The following PTPRK variants were observed in gnomAD, a reference collection of about 807,000 sequenced individuals.
PTPRK encodes receptor-type tyrosine-protein phosphatase kappa.
In PTPRK, 75 loss-of-function variants were observed where a neutral mutation model predicts 178.0. The ratio of observed to expected loss-of-function variants is 0.42; its 90% CI spans 0.35 to 0.51. The LOEUF is 0.51. Ranked by LOEUF, PTPRK falls within the 20% of genes least tolerant of loss-of-function variation. The probability of loss-of-function intolerance (pLI) is 0.02; values close to 1 mark genes in which losing one functional copy is unlikely to be tolerated. For missense variants in PTPRK, 1,441 were observed against 1,797.8 expected, an observed-to-expected ratio of 0.80 and a Z score of 3.59; for synonymous variants, 637 against 620.6, an observed-to-expected ratio of 1.03 and a Z score of -0.39.
chr6:128,248,985 T>C (rs1815985514), intron 3 of PTPRK, among the ~76,000 whole-genome samples: 1 of 152,176 alleles, frequency 6.6e-6, no homozygotes, highest in Admixed American at 6.6e-5. Context: ...TCACAGGCTG[T>C]AAGACAGGCT....
chr6:128,297,964 T>C (rs1012303706), intron 3 of PTPRK, among the ~76,000 whole-genome samples: 7 of 152,064 alleles, frequency 4.6e-5, no homozygotes, highest in South Asian at 2.1e-4. Flanking sequence ...ATCAACAAAA[T>C]TGATAGACTG....
intron 6 of PTPRK, among the ~76,000 whole-genome samples, chr6:128,210,399 GA>G (rs777917941): frequency 9.7e-6 from 1 of 103,476 alleles, no homozygotes. Context: ...CAAAATCAAT[GA>G]ATTCTCTTCT....
chr6:128,356,313 G>A (rs892230729), intron 2 of PTPRK, among the ~76,000 whole-genome samples: 1 of 152,098 alleles, frequency 6.6e-6, no homozygotes, highest in African/African-American at 2.4e-5. Flanking sequence ...CTTTAATCGA[G>A]CTTATTGAAG....
intron 3 of PTPRK, among the ~76,000 whole-genome samples, chr6:128,297,174 A>C (rs1824598364): frequency 6.6e-6 from 1 of 152,076 alleles, no homozygotes; most frequent in Admixed American, 6.6e-5. Flanking sequence ...AGAAGAGCTA[A>C]CTATCCTAAA....
chr6:128,381,994 C>G (rs1009190836), intron 2 of PTPRK, among the ~76,000 whole-genome samples: 3 of 151,512 alleles, frequency 2.0e-5, no homozygotes, highest in African/African-American at 7.3e-5. Context: ...CCAGCTTGGG[C>G]AACATGGCAA....
intron 13 of PTPRK, among the ~76,000 whole-genome samples, chr6:128,054,140 C>T (rs1273989133): frequency 1.1e-4 from 16 of 152,162 alleles, no homozygotes; most frequent in African/African-American, 3.6e-4. Flanking sequence ...TTTTATTTCC[C>T]TGCATTGATA....
At chr6:128,012,518 T>C (rs936230356) in intron 13 of PTPRK, among the ~76,000 whole-genome samples, 1 of 151,128 alleles carries the variant, frequency 6.6e-6, no homozygotes, top group African/African-American at 2.4e-5. Context: ...TCTTTACCAT[T>C]TTTTTTATCT....
chr6:128,152,113 G>C (rs1266996770), intron 7 of PTPRK, among the ~76,000 whole-genome samples: 1 of 151,992 alleles, frequency 6.6e-6, no homozygotes, highest in African/African-American at 2.4e-5. Flanking sequence ...AGGTAGAAGG[G>C]AGGACATTCT....
intron 12 of PTPRK, 105 bp downstream of exon 12, chr6:128,067,414 T>C: frequency 7.8e-7 from 1 of 1,286,306 alleles, no homozygotes; most frequent in African/African-American, 1.5e-5. Flanking sequence ...ATGCAAATTT[T>C]CTTTTTCTTT....
intron 5 of PTPRK, chr6:128,230,616 A>G (rs1298554889): frequency 1.3e-5 from 2 of 152,098 alleles, no homozygotes; most frequent in African/African-American, 2.4e-5. Flanking sequence ...TAAATTTTAG[A>G]TCTTTCTAGC....
intron 3 of PTPRK, among the ~76,000 whole-genome samples, chr6:128,247,611 A>G (rs1287136793): frequency 6.6e-6 from 1 of 152,070 alleles, no homozygotes; most frequent in Non-Finnish European, 1.5e-5. Context: ...GAGCCACCAC[A>G]CCTGGCCTAG....
chr6:128,198,389 T>C (rs1487793965), intron 6 of PTPRK, among the ~76,000 whole-genome samples: 1 of 152,068 alleles, frequency 6.6e-6, no homozygotes, highest in African/African-American at 2.4e-5. Context: ...GGGAAACTCT[T>C]CTCTTAAAAT....
intron 7 of PTPRK, among the ~76,000 whole-genome samples, chr6:128,104,387 G>A (rs1032220736): frequency 6.6e-5 from 10 of 151,898 alleles, no homozygotes; most frequent in African/African-American, 2.2e-4. Flanking sequence ...CCACTACGCC[G>A]GGCTTTTTGT....
chr6:128,451,440 T>G (rs1184708771), intron 1 of PTPRK, among the ~76,000 whole-genome samples: 2 of 152,170 alleles, frequency 1.3e-5, no homozygotes, highest in Non-Finnish European at 2.9e-5. Context: ...ACACAATTAT[T>G]TGAAAAGTCT....
chr6:128,140,853 C>T (rs1180843732), intron 7 of PTPRK, among the ~76,000 whole-genome samples: 1 of 151,742 alleles, frequency 6.6e-6, no homozygotes, highest in Non-Finnish European at 1.5e-5. Context: ...ATCTAATATC[C>T]CTTAAATGTG....
chr6:128,341,444 T>A (rs564113693), intron 2 of PTPRK, among the ~76,000 whole-genome samples: 1 of 152,262 alleles, frequency 6.6e-6, no homozygotes, highest in East Asian at 1.9e-4. Flanking sequence ...TAACTGTAGA[T>A]TAAGAAAAGA....
chr6:127,992,358 T>A (rs1196148170), intron 19 of PTPRK, among the ~76,000 whole-genome samples: 3 of 151,800 alleles, frequency 2.0e-5, no homozygotes, highest in Non-Finnish European at 3.0e-5. Flanking sequence ...TTCTTTTTCC[T>A]TTCCTCAAAA....
intron 7 of PTPRK, among the ~76,000 whole-genome samples, chr6:128,140,643 A>G (rs9491913): frequency 0.2 from 30,701 of 151,880 alleles, 6,140 homozygotes; most frequent in African/African-American, 0.5. Flanking sequence ...AATTATCATC[A>G]TCATTGTCGT....
At chr6:128,392,115 A>G (rs953408532) in intron 2 of PTPRK, among the ~76,000 whole-genome samples, 1 of 152,120 alleles carries the variant, frequency 6.6e-6, no homozygotes, top group African/African-American at 2.4e-5. Flanking sequence ...CCCTTTCTGT[A>G]TACCACCTGG....
Sources: allele counts gnomAD v4.1 joint callset (sites outside exome capture counted in the v4.1 genomes callset), GRCh38; gene constraint gnomAD v4.1.1; transcripts MANE v1.5; gene names NCBI Gene and HGNC (gene_info 2026-07-23, HGNC 2026-07-21).